Variants in SERINC2 observed in about 807,000 individuals in gnomAD.
SERINC2 encodes the protein serine incorporator 2.
A neutral mutation model predicts 54.2 loss-of-function variants in SERINC2; 56 were observed. That is an observed-to-expected ratio of 1.03 (90% confidence interval 0.83 to 1.29). The LOEUF is 1.29. SERINC2 is among the 50% of genes most tolerant of loss of function. SERINC2 has a pLI of 0.00. For synonymous variants in SERINC2, 272 were observed against 253.1 expected (o/e 1.07, Z -0.71); for missense variants, 614 against 607.4 (o/e 1.01, Z -0.12).
At chr1:31,411,239 T>G (rs575871034), upstream of SERINC2, among the ~76,000 whole-genome samples, 4 of 152,314 alleles carry the variant, frequency 2.6e-5, no homozygotes, top group African/African-American at 7.2e-5. Flanking sequence ...TTGTCACCTC[T>G]ACTTTTTCAA....
intron 6 of SERINC2, among the ~76,000 whole-genome samples, chr1:31,428,774 G>A (rs1316875273): frequency 1.1e-4 from 17 of 152,140 alleles, no homozygotes; most frequent in Admixed American, 4.6e-4. Flanking sequence ...TCTGAGGGGT[G>A]TTAAGAGAAA....
In SERINC2 at chr1:31,426,717, T is replaced by C. The variant is rs782702865; in HGVS notation, c.674T>C (p.Met225Thr). 1.2e-6 allele frequency: 2 copies of C among 1,614,048 alleles called. No individual in the cohort carries two copies. The highest frequency in any genetic ancestry group is 2.2e-5 in the East Asian group (1 of 44,882). ...LSIAAVALMF[M>T]YYTEPSGCHE... Reference sequence around the variant, plus strand: ...ATCGCGGCCGTGGCGCTGATGTTCATGTACTACACTGAGCCCAGCGGCTGC... The same window carrying C: ...ATCGCGGCCGTGGCGCTGATGTTCACGTACTACACTGAGCCCAGCGGCTGC... Residue 225 changes from methionine to threonine, a missense_variant, in exon 6 of 10, where the codon ATG (methionine) becomes ACG (threonine). Physicochemically the swap from Met to Thr is moderately conservative, Grantham distance 81 (BLOSUM62 -1). Coordinates refer to ENST00000373709, the MANE Select transcript of SERINC2 (RefSeq NM_178865.5).
At chr1:31,418,979 G>A (rs1640843602) in intron 1 of SERINC2, among the ~76,000 whole-genome samples, 1 of 152,212 alleles carries the variant, frequency 6.6e-6, no homozygotes, top group Non-Finnish European at 1.5e-5. Context: ...GAATGCCAAG[G>A]AACCTTGCAG....
upstream of SERINC2, chr1:31,409,783 G>A: frequency 1.3e-6 from 2 of 1,539,404 alleles, no homozygotes; most frequent in Non-Finnish European, 1.8e-6. Context: ...GGCCAGTACA[G>A]ACAGCGAAGC....
At chr1:31,433,228 G>C in intron 9 of SERINC2, 43 bp downstream of exon 9, 1 of 1,529,514 alleles carries the variant, frequency 6.5e-7, no homozygotes, top group Non-Finnish European at 9.0e-7. Context: ...GAGGTGCAGG[G>C]TGCAGGTCCA....
At chr1:31,424,625 G>A in intron 2 of SERINC2, 58 bp from the exon 3 acceptor site, 1 of 1,403,284 alleles carries the variant, frequency 7.1e-7, no homozygotes, top group Non-Finnish European at 9.6e-7. Flanking sequence ...TTTATAAAGG[G>A]AGCTGCCAGG....
Position 31,413,326 on chromosome 1 carries a change from CG to C in SERINC2, c.39+23del. On this transcript the variant is annotated intron_variant, in intron 1 of 9. Transcript: ENST00000373709. The surrounding 1 kb of genome is among the most constrained non-coding windows in gnomAD (Gnocchi z 5.0). ...CTGCGTGAGTCCCGACCCCGGCGCC[CG>C]CCCGCGCGCGCCGCCCGTTCCTGCT... 1 of 1,223,344 alleles carries C rather than the reference CG, an allele frequency of 8.2e-7. No homozygotes were observed. Among genetic ancestry groups the C allele is most frequent in the Non-Finnish European group, 1.0e-6 (1 of 973,078 alleles). The allele number at this position is 1,223,344 out of a possible 1,614,324, so 75.8% of individuals were successfully genotyped here.
In SERINC2 at chr1:31,414,475, G is replaced by GAGAGAGAGAGAGAGA. The variant is rs1570023837; in HGVS notation, c.39+1171_39+1172insAGAGAGAGAGAGAGA. 2.9e-6 allele frequency: 3 copies of GAGAGAGAGAGAGAGA among 1,025,046 alleles called. No homozygotes were observed. The African/African-American group carries it at 5.3e-5, about 18-fold the overall frequency. 63.5% of individuals were successfully genotyped at this position (1,025,046 alleles called of 1,614,324 possible). A position where few individuals can be genotyped will look rare whatever the true frequency, so the allele number is the denominator to read the frequency against. On this transcript the variant is annotated intron_variant, in intron 1 of 9. Transcript: ENST00000373709. Reference sequence around the variant, plus strand: ...TGTGTGAGAGAGAGAGAGAGAGAGAGGAGGGGGTGTAGGGGAGAGCTGAGG... The same window carrying GAGAGAGAGAGAGAGA: ...TGTGTGAGAGAGAGAGAGAGAGAGAGAGAGAGAGAGAGAGAGAGGGGGTGTAGGGGAGAGCTGAGG...
chr1:31,414,548 A>G (rs1022774613), intron 1 of SERINC2: 19 of 989,624 alleles, frequency 1.9e-5, no homozygotes, highest in Non-Finnish European at 2.3e-5. Context: ...AGATCAGCAT[A>G]GACAGCACAG....
At chr1:31,412,949 G>A (rs147722178), upstream of SERINC2, among the ~76,000 whole-genome samples, 479 of 152,314 alleles carry the variant, frequency 3.1e-3, 1 homozygote, top group Middle Eastern at 6.8e-3. Context: ...GGGGTCACAC[G>A]GGCTCAAACC....
At chr1:31,429,136 C>A in intron 7 of SERINC2, 68 bp downstream of exon 7, 1 of 1,390,884 alleles carries the variant, frequency 7.2e-7, no homozygotes, top group Non-Finnish European at 1.0e-6. Context: ...TACTGTGGGG[C>A]TGGGGACCCT....
In SERINC2 at chr1:31,434,180, G is replaced by T; in HGVS notation, c.1349G>T (p.Arg450Leu). 1.2e-6 allele frequency: 2 copies of T among 1,613,376 alleles called. No homozygotes were observed. Among genetic ancestry groups the T allele is most frequent in the Non-Finnish European group, 1.7e-6 (2 of 1,179,892 alleles). ...LWTLVAPLLLRNRDFS is the reference protein window; with the variant it reads ...LWTLVAPLLLLNRDFS ...ACCCTGGTAGCCCCACTCCTCCTGCGCAACCGCGACTTCAGCTGAGGCAGC... is the reference window on the plus strand; with the variant it reads ...ACCCTGGTAGCCCCACTCCTCCTGCTCAACCGCGACTTCAGCTGAGGCAGC... The change falls in exon 10 of 10, where the codon CGC becomes CTC. Residue 450 changes from arginine (R) to leucine (L), a missense_variant. Transcript: ENST00000373709.
chr1:31,428,287 G>A lies in SERINC2; in HGVS notation c.781-691G>A, dbSNP rs992950685. ...ACTTCTGACTTCAAACCATCTGCCC[G>A]CCTCAGCCTCCCAAAGCGCTGGGAT... On this transcript the variant is annotated intron_variant, in intron 6 of 9. Coordinates refer to ENST00000373709, the MANE Select transcript of SERINC2 (RefSeq NM_178865.5). Among the ~76,000 whole-genome samples the A allele has an allele frequency of 4.0e-5, 6 of 151,006 alleles. No homozygotes were observed. The East Asian group carries it at 5.9e-4, about 15-fold the overall frequency.
chr1:31,429,828 G>T (rs561505519), intron 8 of SERINC2, among the ~76,000 whole-genome samples: 2 of 152,252 alleles, frequency 1.3e-5, no homozygotes, highest in Admixed American at 1.3e-4. Flanking sequence ...ATGGACTGGG[G>T]TCAGTGGGTC....
chr1:31,414,247 G>A, intron 1 of SERINC2: 1 of 1,340,744 alleles, frequency 7.5e-7, no homozygotes. Flanking sequence ...TGGGAGGCCC[G>A]TTCTCCCTTC....
chr1:31,419,751 C>T (rs1482025054), intron 1 of SERINC2, among the ~76,000 whole-genome samples: 1 of 152,184 alleles, frequency 6.6e-6, no homozygotes, highest in Non-Finnish European at 1.5e-5. Context: ...ATCGCTTGAG[C>T]CCAGGAGGTT....
rs782727640 is a variant in SERINC2, at chr1:31,423,723, A to G, written c.70A>G (p.Ile24Val). The change falls in exon 2 of 10, where the codon ATC (isoleucine) becomes GTC (valine). Residue 24 changes from isoleucine (I) to valine (V), a missense_variant. Transcript: ENST00000373709. ...CTGCCTCTGCGGCTCTGCCCCCTGC[A>G]TCCTGTGCAGCTGCTGCCCCGCCAG... ...ASCLCGSAPC[I>V]LCSCCPASRN... 1.8e-5 allele frequency: 29 copies of G among 1,611,674 alleles called. No individual in the cohort carries two copies. In the Admixed American group the frequency reaches 4.2e-4, roughly 23 times the overall value.
intron 1 of SERINC2, among the ~76,000 whole-genome samples, chr1:31,416,164 C>T (rs1227471733): frequency 2.0e-5 from 3 of 152,190 alleles, no homozygotes; most frequent in African/African-American, 7.2e-5. Context: ...GTGTCTGCCC[C>T]TTAGCCTGTT....
intron 7 of SERINC2, 43 bp from the exon 8 acceptor site, chr1:31,429,354 C>A: frequency 6.3e-7 from 1 of 1,575,422 alleles, no homozygotes; most frequent in South Asian, 1.2e-5. Context: ...GCTACCTAGG[C>A]CTGGCCTGCA....
Sources: allele counts gnomAD v4.1 joint callset (sites outside exome capture counted in the v4.1 genomes callset), GRCh38; gene constraint gnomAD v4.1.1; non-coding constraint Gnocchi (gnomAD v3.1); transcripts MANE v1.5; gene names NCBI Gene and HGNC (gene_info 2026-07-23, HGNC 2026-07-21).